Variants in TERT observed in about 807,000 individuals in gnomAD.
TERT encodes the protein telomerase reverse transcriptase, also known as telomerase catalytic subunit.
In TERT, 42 loss-of-function variants were observed where a neutral mutation model predicts 104.0. The observed-to-expected ratio is 0.40, with a 90% confidence interval of 0.32 to 0.52. The LOEUF is 0.52. Ranked by LOEUF, TERT falls within the 20% of genes least tolerant of loss-of-function variation. The pLI is 0.43. For synonymous variants in TERT, 781 were observed against 725.6 expected (o/e 1.08, Z -1.23); for missense variants, 1,101 against 1,610.3 (o/e 0.68, Z 5.41).
chr5:1,277,455 C>G (rs781466550), intron 6 of TERT, among the ~76,000 whole-genome samples: 2 of 152,228 alleles, frequency 1.3e-5, no homozygotes, highest in Non-Finnish European at 2.9e-5. Context: ...GAACGCACAG[C>G]TGAGGCGTTC....
At position 1,263,950 on chromosome 5, in the gene TERT, C is replaced by T. The variant is rs1301668243; in HGVS notation, c.2843+454G>A. On this transcript the variant is annotated intron_variant, in intron 11 of 15. Coordinates refer to ENST00000310581, the MANE Select transcript of TERT (RefSeq NM_198253.3). The surrounding 1 kb of genome is among the most constrained non-coding windows in gnomAD (Gnocchi z 5.3). ...GATGAGCCTTGGAGTGTGGGGCTCACAGCGGAGAGACTCACGCCCAAAAGG... is the reference window on the plus strand; with the variant it reads ...GATGAGCCTTGGAGTGTGGGGCTCATAGCGGAGAGACTCACGCCCAAAAGG... Among the ~76,000 whole-genome samples, 3 of 152,164 alleles carry T rather than the reference C, an allele frequency of 2.0e-5. No individual in the cohort carries two copies. Among genetic ancestry groups the T allele is most frequent in the Admixed American group, 6.5e-5 (1 of 15,272 alleles).
intron 2 of TERT, among the ~76,000 whole-genome samples, chr5:1,291,554 C>T (rs375525641): frequency 2.9e-4 from 32 of 109,214 alleles, no homozygotes; most frequent in East Asian, 9.5e-4. Context: ...CAGGGACACC[C>T]GGGGACCGCG....
At position 1,282,431 on chromosome 5, in the gene TERT, G is replaced by A; in HGVS notation, c.1767C>T (p.Ile589=). 6.2e-7 allele frequency: 1 copy of A among 1,614,138 alleles called. No homozygotes were observed. The highest frequency in any genetic ancestry group is 8.5e-7 in the Non-Finnish European group (1 of 1,180,012). The change falls in exon 3 of 16, where the codon ATC becomes ATT. Residue 589 remains isoleucine, a splice_region_variant and synonymous_variant. Coordinates refer to ENST00000310581, the MANE Select transcript of TERT (RefSeq NM_198253.3). The part of the protein sequence containing the change: ...SVWSKLQSIG[I]RQHLKRVQLR... ...GGCCTGGCGTGGGGATACAGTACCT[G>A]ATTCCAATGCTTTGCAACTTGCTCC...
rs375675196 is a variant in TERT at position 1,264,451 on chromosome 5, G to T, written c.2796C>A (p.Gly932=). 6.2e-6 allele frequency: 10 copies of T among 1,613,708 alleles called. No homozygotes were observed. The highest frequency in any genetic ancestry group is 5.3e-5 in the African/African-American group (4 of 75,068). ...MPAHGLFPWC[G]LLLDTRTLEV... is the part of the protein sequence containing the mutation. The stretch of plus-strand genomic sequence containing the variant: ...CCAGGGTCCGGGTATCCAGCAGCAG[G>T]CCGCACCAGGGGAATAGGCCGTGGG... Residue 932 remains glycine, a synonymous_variant, in exon 11 of 16, where the codon GGC becomes GGA. Transcript: ENST00000310581.
chr5:1,278,246 G>A (rs1400146513), intron 6 of TERT, among the ~76,000 whole-genome samples: 1 of 152,200 alleles, frequency 6.6e-6, no homozygotes, highest in Non-Finnish European at 1.5e-5. Flanking sequence ...TGCGGACCAT[G>A]CCTGGAGGAG....
rs1354365082 is a variant in TERT, at chr5:1,270,728, G to A, written c.2468+391C>T. Among the ~76,000 whole-genome samples the A allele has an allele frequency of 6.6e-6, 1 of 152,238 alleles. No homozygotes were observed. The highest frequency in any genetic ancestry group is 6.5e-5 in the Admixed American group (1 of 15,288). On this transcript the variant is annotated intron_variant, in intron 8 of 15. Coordinates refer to ENST00000310581, the MANE Select transcript of TERT (RefSeq NM_198253.3). The surrounding 1 kb of genome is among the most constrained non-coding windows in gnomAD (Gnocchi z 8.3). ...GAATCGGATAAAATCCTTTTGTATC[G>A]GGAGAGAGAGATACAAGCGTGTGAG...
Position 1,269,228 on chromosome 5 carries a change from G to A in TERT, c.2469-595C>T, listed in dbSNP as rs1191838401. ...CAGCCATCCCCAGAGCCCACAGGACGCCACTCCTGTTGCTAAGAGACGCTT... is the reference window on the plus strand; with the variant it reads ...CAGCCATCCCCAGAGCCCACAGGACACCACTCCTGTTGCTAAGAGACGCTT... On this transcript the variant is annotated intron_variant, in intron 8 of 15. Coordinates refer to ENST00000310581, the MANE Select transcript of TERT (RefSeq NM_198253.3). This position sits in a 1 kb window ranked among gnomAD's most constrained non-coding sequence, Gnocchi z 9.0. Among the ~76,000 whole-genome samples, 1 of 152,158 alleles carries A rather than the reference G, an allele frequency of 6.6e-6. No individual in the cohort carries two copies. The highest frequency in any genetic ancestry group is 1.5e-5 in the Non-Finnish European group (1 of 68,034).
chr5:1,274,591 C>T lies in TERT; in HGVS notation c.2287-2311G>A, dbSNP rs1365497512. Among the ~76,000 whole-genome samples the T allele has an allele frequency of 6.6e-6, 1 of 152,204 alleles. No individual in the cohort carries two copies. The highest frequency in any genetic ancestry group is 2.4e-5 in the African/African-American group (1 of 41,454). On this transcript the variant is annotated intron_variant, in intron 6 of 15. Transcript: ENST00000310581. This position sits in a 1 kb window ranked among gnomAD's most constrained non-coding sequence, Gnocchi z 5.3. ...ACAGAATCTAGACCCCTCTCACGCA[C>T]AGTTCTCAGTAGGGTGTGTGCGCCT...
chr5:1,260,328 G>A, intron 12 of TERT, 146 bp downstream of exon 12: 3 of 1,292,796 alleles, frequency 2.3e-6, no homozygotes, highest in Non-Finnish European at 3.3e-6. Flanking sequence ...ACACATGTAT[G>A]TGCTCACGTG....
In TERT at chr5:1,285,541, T is replaced by C. The variant is rs186584146; in HGVS notation, c.1574-2917A>G. ...TACATTAATTTCACCTTTTCTTTTT[T>C]ACTTTTTTAATGTGGCTACTAGAAT... On this transcript the variant is annotated intron_variant, in intron 2 of 15. Coordinates refer to ENST00000310581, the MANE Select transcript of TERT (RefSeq NM_198253.3). 5.3e-5 allele frequency among the ~76,000 whole-genome samples: 8 copies of C among 152,086 alleles called. No homozygotes were observed. The East Asian group carries it at 1.2e-3, about 22-fold the overall frequency.
chr5:1,260,197 G>A lies in TERT; in HGVS notation c.2970+277C>T, dbSNP rs535910201. Reference sequence around the variant, plus strand: ...GCACACCCACACGCATGCACCTCACGTGAATGCCCACACGACTGTGCACGA... The same window carrying A: ...GCACACCCACACGCATGCACCTCACATGAATGCCCACACGACTGTGCACGA... On this transcript the variant is annotated intron_variant, in intron 12 of 15. Coordinates refer to ENST00000310581, the MANE Select transcript of TERT (RefSeq NM_198253.3). Among the ~76,000 whole-genome samples, 8 of 152,296 alleles carry A rather than the reference G, an allele frequency of 5.3e-5. No homozygotes were observed. The East Asian group carries it at 9.6e-4, about 18-fold the overall frequency.
chr5:1,272,031 G>A (rs557810053), intron 7 of TERT, among the ~76,000 whole-genome samples, 154 bp downstream of exon 7: 2 of 152,342 alleles, frequency 1.3e-5, no homozygotes, highest in South Asian at 2.1e-4. Context: ...CTCAGATTTC[G>A]CCAAGGCACA....
In TERT at chr5:1,265,305, C is replaced by T. The variant is rs922433429; in HGVS notation, c.2655-713G>A. Among the ~76,000 whole-genome samples the T allele has an allele frequency of 5.3e-5, 8 of 152,126 alleles. No homozygotes were observed. Among genetic ancestry groups the T allele is most frequent in the Admixed American group, 2.0e-4 (3 of 15,278 alleles). On this transcript the variant is annotated intron_variant, in intron 10 of 15. Transcript: ENST00000310581. This position sits in a 1 kb window ranked among gnomAD's most constrained non-coding sequence, Gnocchi z 6.9. ...TTCCTGTGGCCTGGCCCTGGGACCT[C>T]GGCCAGCTGCGCAGCTCCCCTGGTG...
intron 13 of TERT, among the ~76,000 whole-genome samples, chr5:1,258,140 A>C (rs1308849873): frequency 6.6e-6 from 1 of 152,204 alleles, no homozygotes; most frequent in African/African-American, 2.4e-5. Flanking sequence ...GTGGGGAGCC[A>C]CAGCTCTGCT....
intron 6 of TERT, among the ~76,000 whole-genome samples, chr5:1,273,491 C>CTACGA (rs1749276132): frequency 3.0e-5 from 1 of 33,636 alleles, no homozygotes; most frequent in Non-Finnish European, 5.3e-5. Context: ...ACATCAGACC[C>CTACGA]CCGGGACCAA....
chr5:1,277,258 G>A (rs1015546889), intron 6 of TERT, among the ~76,000 whole-genome samples: 1 of 152,160 alleles, frequency 6.6e-6, no homozygotes, highest in Non-Finnish European at 1.5e-5. Context: ...CCTAAAGCAC[G>A]TCTGTGACCC....
rs1016233967 is a variant in TERT at position 1,253,525 on chromosome 5, C to T, written c.*203G>A. 2 of 613,716 alleles carry T rather than the reference C, an allele frequency of 3.3e-6. No individual in the cohort carries two copies. The highest frequency in any genetic ancestry group is 1.9e-5 in the South Asian group (1 of 52,302). 38.0% of individuals were successfully genotyped at this position (613,716 alleles called of 1,614,324 possible). On this transcript the variant is annotated 3_prime_UTR_variant, in exon 16 of 16. Transcript: ENST00000310581. ...ACGGCAGGTGTGCTGGACACTCAGC[C>T]CTTGGCTGGACACTCGCTCAGGCCT...
chr5:1,260,274 G>A (rs976674028), intron 12 of TERT, among the ~76,000 whole-genome samples, 200 bp downstream of exon 12: 3 of 152,220 alleles, frequency 2.0e-5, no homozygotes, highest in African/African-American at 7.2e-5. Context: ...TTGTGCCCTT[G>A]CACACCTGTG....
Position 1,293,884 on chromosome 5 carries a change from G to A in TERT, c.1002C>T (p.Ser334=), listed in dbSNP as rs1561213888. 2.6e-6 allele frequency: 4 copies of A among 1,543,596 alleles called. No homozygotes were observed. The highest frequency in any genetic ancestry group is 2.6e-6 in the Non-Finnish European group (3 of 1,146,978). ...GCCGCAGCTGCTCCTTGTCGCCTGA[G>A]GAGTAGAGGAAGTGCTTGGTCTCGG... ...VYAETKHFLY[S]SGDKEQLRPS... The change falls in exon 2 of 16, where the codon TCC becomes TCT. Residue 334 remains serine, a synonymous_variant. Transcript: ENST00000310581.
Sources: allele counts gnomAD v4.1 joint callset (sites outside exome capture counted in the v4.1 genomes callset), GRCh38; gene constraint gnomAD v4.1.1; non-coding constraint Gnocchi (gnomAD v3.1); transcripts MANE v1.5; gene names NCBI Gene and HGNC (gene_info 2026-07-23, HGNC 2026-07-21).